Variants in ARMC2 observed in about 807,000 individuals in gnomAD.
The protein encoded by ARMC2 is armadillo repeat-containing protein 2.
In ARMC2, 67 loss-of-function variants were observed where a neutral mutation model predicts 90.3. That is an observed-to-expected ratio of 0.74 (90% confidence interval 0.61 to 0.91). The LOEUF is 0.91. Among genes scored for constraint, ARMC2 ranks in the 40% least tolerant of loss-of-function variants. ARMC2 has a pLI of 0.00. For synonymous variants in ARMC2, 393 were observed against 393.0 expected, an observed-to-expected ratio of 1.00 and a Z score of 0.00; for missense variants, 920 against 1,030.9, an observed-to-expected ratio of 0.89 and a Z score of 1.47.
chr6:108,907,156 G>A (rs1415700507), intron 8 of ARMC2, among the ~76,000 whole-genome samples: 1 of 151,584 alleles, frequency 6.6e-6, no homozygotes, highest in East Asian at 1.9e-4. Context: ...TCTTCTTATT[G>A]TTTTAATGAA....
At chr6:108,988,239 T>C in the ARMC2 span, 1,282 of 216,660 alleles carry the variant, frequency 5.9e-3, 23 homozygotes, top group African/African-American at 0.027. Flanking sequence ...TCTATAAAGA[T>C]GTTTCAAAGA....
the ARMC2 span, among the ~76,000 whole-genome samples, chr6:108,994,955 C>T: frequency 2.6e-5 from 4 of 152,092 alleles, no homozygotes; most frequent in South Asian, 2.1e-4. Flanking sequence ...CTGTCCACCT[C>T]GGCCTTCCAA....
intron 12 of ARMC2, among the ~76,000 whole-genome samples, chr6:108,944,801 T>C (rs186823709): frequency 5.3e-4 from 80 of 152,168 alleles, no homozygotes; most frequent in Non-Finnish European, 1.0e-3. Flanking sequence ...GTGATGGTTA[T>C]GTGCATGGCC....
chr6:108,939,009 A>G (rs1776214693), intron 12 of ARMC2, among the ~76,000 whole-genome samples: 1 of 152,060 alleles, frequency 6.6e-6, no homozygotes, highest in Admixed American at 6.5e-5. Flanking sequence ...AATAAAGATG[A>G]GGTCTCACTA....
the ARMC2 span, chr6:109,000,499 G>A: frequency 1.3e-6 from 2 of 1,573,940 alleles, no homozygotes; most frequent in Admixed American, 1.8e-5. Context: ...ACCTCAATGT[G>A]TTCTTTGGTA....
chr6:108,956,049 C>T (rs1382469959), intron 13 of ARMC2, among the ~76,000 whole-genome samples: 2 of 152,200 alleles, frequency 1.3e-5, no homozygotes, highest in African/African-American at 4.8e-5. Context: ...AGACCCAGTG[C>T]TTCAGGGAAC....
In ARMC2 at chr6:108,953,224, G is replaced by A. The variant is rs776414005; in HGVS notation, c.1788G>A (p.Pro596=). ...QRGEQHRAQR[P]PSEAEDVLIK... ...GCGAGCAGCACAGGGCGCAGAGGCC[G>A]CCGTCAGAGGCAGAGGACGTGCTCA... is the stretch of plus-strand genomic sequence containing the variant. The change falls in exon 13 of 18, where the codon CCG becomes CCA. Residue 596 remains proline, a synonymous_variant. Transcript: ENST00000392644. The A allele has an allele frequency of 5.0e-6, 8 of 1,613,772 alleles. No individual in the cohort carries two copies. In the East Asian group the frequency reaches 1.6e-4, roughly 31 times the overall value.
intron 4 of ARMC2, among the ~76,000 whole-genome samples, chr6:108,875,114 A>G (rs761900335): frequency 1.8e-4 from 27 of 152,170 alleles, no homozygotes; most frequent in Admixed American, 3.3e-4. Flanking sequence ...CTTTAACAAA[A>G]TGTTTTCTCA....
the ARMC2 span, among the ~76,000 whole-genome samples, chr6:109,041,971 A>C: frequency 6.6e-6 from 1 of 152,290 alleles, no homozygotes; most frequent in East Asian, 1.9e-4. Flanking sequence ...GAATATATTT[A>C]AAAGAATGAA....
chr6:108,892,870 G>A (rs978972448), intron 5 of ARMC2, among the ~76,000 whole-genome samples: 15 of 152,146 alleles, frequency 9.9e-5, no homozygotes, highest in African/African-American at 3.4e-4. Context: ...GCTGCAACAT[G>A]GCATAGTCAC....
chr6:109,039,046 G>GGGT, the ARMC2 span, among the ~76,000 whole-genome samples: 1 of 148,890 alleles, frequency 6.7e-6, no homozygotes, highest in Non-Finnish European at 1.5e-5. Context: ...AGAAGAAGGA[G>GGGT]GGAGAAGGAG....
chr6:108,990,924 C>A, the ARMC2 span: 1 of 1,164,542 alleles, frequency 8.6e-7, no homozygotes, highest in South Asian at 1.6e-5. Flanking sequence ...AAATCATTGT[C>A]ATTTGGCTGA....
rs77112364 is a variant in ARMC2 at position 108,873,993 on chromosome 6, G to A, written c.464-2150G>A. 4.2e-3 allele frequency among the ~76,000 whole-genome samples: 638 copies of A among 152,312 alleles called. 3 individuals carry two copies. The highest frequency in any genetic ancestry group is 0.014 in the African/African-American group (598 of 41,552). On this transcript the variant is annotated intron_variant, in intron 4 of 17. Transcript: ENST00000392644. Reference sequence around the variant, plus strand: ...TATTACAGGGTGTGGTATATAACAGGTATCAAATAAATATTTGTGAACCTG... The same window carrying A: ...TATTACAGGGTGTGGTATATAACAGATATCAAATAAATATTTGTGAACCTG...
At chr6:108,874,270 T>C (rs1164920963) in intron 4 of ARMC2, among the ~76,000 whole-genome samples, 1 of 152,194 alleles carries the variant, frequency 6.6e-6, no homozygotes, top group Non-Finnish European at 1.5e-5. Flanking sequence ...CTCCTTGACC[T>C]ATAGGTATGG....
the ARMC2 span, among the ~76,000 whole-genome samples, chr6:109,034,672 A>G: frequency 6.6e-6 from 1 of 152,208 alleles, no homozygotes; most frequent in African/African-American, 2.4e-5. Flanking sequence ...TGAGATACAA[A>G]AGGGAATGGG....
intron 12 of ARMC2, among the ~76,000 whole-genome samples, chr6:108,943,304 G>A (rs1177300895): frequency 2.6e-5 from 4 of 152,150 alleles, no homozygotes; most frequent in African/African-American, 9.7e-5. Context: ...ATCGACAGGA[G>A]GGGTTGTGGT....
At chr6:109,035,167 G>C in the ARMC2 span, among the ~76,000 whole-genome samples, 1 of 151,860 alleles carries the variant, frequency 6.6e-6, no homozygotes, top group Non-Finnish European at 1.5e-5. Context: ...AACCACTCTA[G>C]GGTCCATTTT....
chr6:108,967,528 T>C (rs1778456415), intron 17 of ARMC2, among the ~76,000 whole-genome samples: 1 of 152,062 alleles, frequency 6.6e-6, no homozygotes, highest in Non-Finnish European at 1.5e-5. Flanking sequence ...TCTGGGGGGA[T>C]TGGTTTCAGG....
the ARMC2 span, among the ~76,000 whole-genome samples, chr6:108,981,060 G>A: frequency 1.3e-5 from 2 of 152,112 alleles, no homozygotes; most frequent in Non-Finnish European, 2.9e-5. Context: ...TCCAACAGAT[G>A]AAATCAGTTT....
Sources: allele counts gnomAD v4.1 joint callset (sites outside exome capture counted in the v4.1 genomes callset), GRCh38; gene constraint gnomAD v4.1.1; transcripts MANE v1.5; gene names NCBI Gene and HGNC (gene_info 2026-07-23, HGNC 2026-07-21).